CDH13: variants seen among roughly 807,000 people sequenced by gnomAD.
CDH13 encodes the protein cadherin-13.
CDH13 carries 24 observed loss-of-function variants against 63.8 expected under a neutral mutation model. The ratio of observed to expected loss-of-function variants is 0.38; its 90% CI spans 0.27 to 0.53. The LOEUF is 0.53. CDH13 is among the 20% of genes least tolerant of loss of function. The probability of loss-of-function intolerance (pLI) is 0.85; values close to 1 mark genes in which losing one functional copy is unlikely to be tolerated. For synonymous variants in CDH13, 503 were observed against 355.3 expected (o/e 1.42, Z -4.67); for missense variants, 1,049 against 903.1 (o/e 1.16, Z -2.07).
chr16:82,990,452 C>G (rs541176281), intron 2 of CDH13, among the ~76,000 whole-genome samples: 1 of 152,024 alleles, frequency 6.6e-6, no homozygotes, highest in African/African-American at 2.4e-5. Flanking sequence ...CCTGGACTTA[C>G]GTTCAGGATT....
chr16:83,422,494 T>G (rs2071747085), intron 6 of CDH13, among the ~76,000 whole-genome samples: 2 of 152,210 alleles, frequency 1.3e-5, no homozygotes, highest in Non-Finnish European at 2.9e-5. Context: ...ATGCTTATAA[T>G]TAGAGACAGA....
At chr16:83,783,662 TAAC>T (rs1915686866) in intron 13 of CDH13, among the ~76,000 whole-genome samples, 190 bp downstream of exon 13, 1 of 152,222 alleles carries the variant, frequency 6.6e-6, no homozygotes, top group Non-Finnish European at 1.5e-5. Context: ...AAAGGCATCT[TAAC>T]AATCCCTGCC....
intron 3 of CDH13, among the ~76,000 whole-genome samples, chr16:83,059,894 C>T (rs534057850): frequency 3.8e-4 from 57 of 149,366 alleles, no homozygotes; most frequent in Non-Finnish European, 6.4e-4. Context: ...TCCTGGTTCT[C>T]GCCATTCTCC....
chr16:82,978,182 G>A (rs1283772894), intron 2 of CDH13, among the ~76,000 whole-genome samples: 2 of 152,148 alleles, frequency 1.3e-5, no homozygotes, highest in East Asian at 1.9e-4. Flanking sequence ...AAAGTATTCA[G>A]TTTTATGTAT....
At chr16:83,362,697 G>A (rs1468678247) in intron 6 of CDH13, among the ~76,000 whole-genome samples, 1 of 152,172 alleles carries the variant, frequency 6.6e-6, no homozygotes, top group Non-Finnish European at 1.5e-5. Context: ...CTTCCTTCAA[G>A]GATACTGCAT....
At chr16:83,185,842 A>T (rs979133895) in intron 4 of CDH13, among the ~76,000 whole-genome samples, 2 of 152,332 alleles carry the variant, frequency 1.3e-5, no homozygotes, top group Admixed American at 1.3e-4. Context: ...AGATTTATGC[A>T]TTTGAAACAT....
intron 6 of CDH13, among the ~76,000 whole-genome samples, chr16:83,476,722 G>A (rs994628248): frequency 2.0e-5 from 3 of 152,070 alleles, no homozygotes; most frequent in African/African-American, 4.8e-5. Flanking sequence ...AAACCACACC[G>A]TGTCCTTTTG....
intron 1 of CDH13, among the ~76,000 whole-genome samples, chr16:82,757,654 T>TC (rs1669535480): frequency 9.7e-6 from 1 of 102,620 alleles, no homozygotes; most frequent in Non-Finnish European, 2.4e-5. Flanking sequence ...TTTGTTTTTT[T>TC]TTTTTTTGGG....
intron 5 of CDH13, among the ~76,000 whole-genome samples, chr16:83,280,389 A>G (rs1031515595): frequency 2.6e-5 from 4 of 152,200 alleles, no homozygotes; most frequent in Non-Finnish European, 5.9e-5. Flanking sequence ...TTCATGTTTT[A>G]TGATGAGATG....
At chr16:82,962,400 G>T (rs1907155602) in intron 2 of CDH13, among the ~76,000 whole-genome samples, 1 of 152,190 alleles carries the variant, frequency 6.6e-6, no homozygotes, top group South Asian at 2.1e-4. Context: ...GCCTCCAGAG[G>T]TATGAGAGAA....
At chr16:83,189,498 G>A (rs1409695101) in intron 4 of CDH13, among the ~76,000 whole-genome samples, 4 of 152,230 alleles carry the variant, frequency 2.6e-5, no homozygotes, top group Non-Finnish European at 4.4e-5. Context: ...AGAACACAGA[G>A]GTTGTATGTG....
At chr16:83,481,298 A>T (rs376295508) in intron 6 of CDH13, among the ~76,000 whole-genome samples, 1 of 152,214 alleles carries the variant, frequency 6.6e-6, no homozygotes, top group African/African-American at 2.4e-5. Context: ...TGAGCCTGAC[A>T]CTTTTTGATC....
chr16:82,887,558 C>T lies in CDH13; in HGVS notation c.157+29085C>T, dbSNP rs140919159. Among the ~76,000 whole-genome samples, 90 of 152,264 alleles carry T rather than the reference C, an allele frequency of 5.9e-4. 1 individual carries two copies. Among genetic ancestry groups the T allele is most frequent in the Non-Finnish European group, 7.1e-4 (48 of 68,024 alleles). On this transcript the variant is annotated intron_variant, in intron 2 of 13. Coordinates refer to ENST00000567109, the MANE Select transcript of CDH13 (RefSeq NM_001257.5). Reference sequence around the variant, plus strand: ...AAAAGAAAGGAGGGCCAGTGGCTCACGCCTGTAATCCCAGCGCTTTGGGAG... The same window carrying T: ...AAAAGAAAGGAGGGCCAGTGGCTCATGCCTGTAATCCCAGCGCTTTGGGAG...
chr16:83,092,416 A>G (rs1259705215), intron 3 of CDH13, among the ~76,000 whole-genome samples: 9 of 152,220 alleles, frequency 5.9e-5, no homozygotes, highest in African/African-American at 1.9e-4. Context: ...AAGGTCTTAG[A>G]TGATTAAAAC....
chr16:82,722,550 C>G (rs2032841152), intron 1 of CDH13, among the ~76,000 whole-genome samples: 1 of 152,172 alleles, frequency 6.6e-6, no homozygotes, highest in Non-Finnish European at 1.5e-5. Context: ...GGTCACATGG[C>G]CAGCTCTGCA....
chr16:83,114,755 A>T (rs372375835), intron 3 of CDH13, among the ~76,000 whole-genome samples: 8 of 152,298 alleles, frequency 5.3e-5, no homozygotes, highest in East Asian at 1.9e-4. Flanking sequence ...TTCCTTAAGT[A>T]GGCAAACTTC....
chr16:83,782,830 G>A (rs1221025302), intron 12 of CDH13, among the ~76,000 whole-genome samples: 13 of 152,124 alleles, frequency 8.5e-5, no homozygotes, highest in Non-Finnish European at 1.5e-5. Flanking sequence ...TTGAGAGCAG[G>A]TGGATTTTCA....
At chr16:83,392,585 G>T (rs980452300) in intron 6 of CDH13, among the ~76,000 whole-genome samples, 1 of 152,134 alleles carries the variant, frequency 6.6e-6, no homozygotes, top group African/African-American at 2.4e-5. Flanking sequence ...TGTCTTAGGT[G>T]TGCACACAGA....
At chr16:82,897,188 A>G (rs1343048435) in intron 2 of CDH13, among the ~76,000 whole-genome samples, 1 of 152,164 alleles carries the variant, frequency 6.6e-6, no homozygotes, top group Non-Finnish European at 1.5e-5. Flanking sequence ...TTGCCTTAGC[A>G]TAGCTTTTGA....
Sources: gnomAD v4.1 joint callset for allele counts (sites outside exome capture counted in the v4.1 genomes callset) on GRCh38, gnomAD v4.1.1 for gene constraint, MANE v1.5 for transcripts, NCBI Gene and HGNC (gene_info 2026-07-23, HGNC 2026-07-21) for gene names.